EBF2: variants seen among roughly 807,000 people sequenced by gnomAD.
EBF2 encodes transcription factor COE2.
Under a neutral mutation model 72.8 loss-of-function variants are expected in EBF2, and 21 were observed. The observed-to-expected ratio is 0.29, with a 90% CI of 0.20 to 0.42. EBF2 has a LOEUF of 0.42. Ranked by LOEUF, EBF2 falls within the 10% of genes least tolerant of loss-of-function variation. The pLI, the probability that EBF2 is intolerant of heterozygous loss-of-function variation, is 1.00. For synonymous variants in EBF2, 299 were observed against 274.2 expected (o/e 1.09, Z -0.89); for missense variants, 637 against 731.2 (o/e 0.87, Z 1.49).
chr8:25,919,132 T>C (rs1245893965), intron 6 of EBF2, among the ~76,000 whole-genome samples: 1 of 152,188 alleles, frequency 6.6e-6, no homozygotes. Context: ...AAGAAAAGTA[T>C]GCATCTGTGC....
intron 6 of EBF2, among the ~76,000 whole-genome samples, chr8:25,933,597 G>T (rs910166519): frequency 6.6e-6 from 1 of 152,138 alleles, no homozygotes; most frequent in Non-Finnish European, 1.5e-5. Flanking sequence ...CAAAAAAAGA[G>T]TCATGGATAT....
At chr8:25,863,253 A>G (rs1190300835) in intron 10 of EBF2, among the ~76,000 whole-genome samples, 2 of 152,004 alleles carry the variant, frequency 1.3e-5, no homozygotes, top group East Asian at 3.8e-4. Context: ...ACCTTCTATG[A>G]GCTTATTCTC....
At position 25,844,412 on chromosome 8, in the gene EBF2, AG is replaced by A; in HGVS notation, c.*196del. ...TGACATCTTTTGTCCTTGTCCCAAG[AG>A]GGTCAGTTTGTGTAGCCACCATCAG... On this transcript the variant is annotated 3_prime_UTR_variant, in exon 16 of 16. Coordinates refer to ENST00000520164, the MANE Select transcript of EBF2 (RefSeq NM_022659.4). The A allele has an allele frequency of 1.7e-6, 1 of 576,198 alleles. No individual in the cohort carries two copies. The highest frequency in any genetic ancestry group is 3.1e-6 in the Non-Finnish European group (1 of 323,164). The allele number at this position is 576,198 out of a possible 1,614,324, so 35.7% of individuals were successfully genotyped here.
intron 7 of EBF2, among the ~76,000 whole-genome samples, chr8:25,892,977 T>G (rs1289767077): frequency 6.6e-6 from 1 of 152,196 alleles, no homozygotes; most frequent in Non-Finnish European, 1.5e-5. Context: ...AACATTAAGA[T>G]GGCGGCATCT....
chr8:26,039,941 AAGTT>A, intron 5 of EBF2, 83 bp downstream of exon 5: 2 of 1,452,396 alleles, frequency 1.4e-6, no homozygotes, highest in Admixed American at 1.7e-5. Flanking sequence ...TCAGTCCTGA[AAGTT>A]AGTCCCGGGA....
chr8:25,903,311 G>A lies in EBF2; in HGVS notation c.633+5163C>T, dbSNP rs533811751. ...TGCCTTCCTAAGAGCTGGGATTACA[G>A]GCATGAGCCACTGTGCCTAGCACCC... is the stretch of plus-strand genomic sequence containing the variant. On this transcript the variant is annotated intron_variant, in intron 7 of 15. Coordinates refer to ENST00000520164, the MANE Select transcript of EBF2 (RefSeq NM_022659.4). Among the ~76,000 whole-genome samples the A allele has an allele frequency of 5.3e-5, 8 of 151,556 alleles. No individual in the cohort carries two copies. In the East Asian group the frequency reaches 1.6e-3, roughly 30 times the overall value.
chr8:26,044,644 C>A lies in EBF2; in HGVS notation c.131+85G>T, dbSNP rs998061399. The A allele has an allele frequency of 5.2e-6, 8 of 1,526,868 alleles. No homozygotes were observed. The highest frequency in any genetic ancestry group is 2.3e-5 in the East Asian group (1 of 43,356). 94.6% of individuals were successfully genotyped at this position (1,526,868 alleles called of 1,614,324 possible). On this transcript the variant is annotated intron_variant, in intron 1 of 15. Transcript: ENST00000520164. This position sits in a 1 kb window ranked among gnomAD's most constrained non-coding sequence, Gnocchi z 4.1. The stretch of plus-strand genomic sequence containing the variant: ...ATGGGGGGACAGGGAGAGAGAAAGG[C>A]ACGGGGTGCGCGGGGGGGGTGCACA...
chr8:26,021,415 T>C (rs936783394), intron 6 of EBF2, among the ~76,000 whole-genome samples: 6 of 152,158 alleles, frequency 3.9e-5, no homozygotes, highest in African/African-American at 1.4e-4. Flanking sequence ...AAAGGAGCCA[T>C]AGCATATGCT....
At chr8:25,930,619 C>T (rs752122091) in intron 6 of EBF2, among the ~76,000 whole-genome samples, 6 of 152,188 alleles carry the variant, frequency 3.9e-5, no homozygotes, top group Non-Finnish European at 5.9e-5. Context: ...AAAATCCACT[C>T]GGCTTGACAG....
At chr8:25,863,595 T>C (rs1802249642) in intron 10 of EBF2, among the ~76,000 whole-genome samples, 1 of 152,150 alleles carries the variant, frequency 6.6e-6, no homozygotes, top group African/African-American at 2.4e-5. Context: ...TTAAAATTAA[T>C]ACATGATTAA....
At chr8:25,983,054 G>A (rs186364367) in intron 6 of EBF2, among the ~76,000 whole-genome samples, 9 of 152,216 alleles carry the variant, frequency 5.9e-5, no homozygotes, top group African/African-American at 2.2e-4. Context: ...CTAACCTCCA[G>A]TGGAACCAGG....
intron 6 of EBF2, among the ~76,000 whole-genome samples, chr8:25,936,560 T>C (rs1803582153): frequency 6.6e-6 from 1 of 152,228 alleles, no homozygotes; most frequent in Non-Finnish European, 1.5e-5. Flanking sequence ...TCTAGAAATA[T>C]TGGATGAAGT....
At chr8:25,904,265 TA>T (rs1196825315) in intron 7 of EBF2, among the ~76,000 whole-genome samples, 1 of 148,262 alleles carries the variant, frequency 6.7e-6, no homozygotes, top group Non-Finnish European at 1.5e-5. Flanking sequence ...TAAAAAGGGT[TA>T]AAAGGGTTAA....
chr8:26,018,927 G>A (rs1805158110), intron 6 of EBF2, among the ~76,000 whole-genome samples: 2 of 96,494 alleles, frequency 2.1e-5, no homozygotes, highest in South Asian at 3.6e-4. Context: ...GGGATCCATG[G>A]CAATAAAAAA....
chr8:25,865,604 T>G (rs576267569), intron 10 of EBF2, among the ~76,000 whole-genome samples: 13 of 152,170 alleles, frequency 8.5e-5, no homozygotes, highest in African/African-American at 3.1e-4. Flanking sequence ...TTTTTCTTTT[T>G]TCTTTTGAGA....
At chr8:26,042,303 G>C in intron 1 of EBF2, 52 bp from the exon 2 acceptor site, 1 of 1,567,742 alleles carries the variant, frequency 6.4e-7, no homozygotes, top group Non-Finnish European at 8.7e-7. Context: ...GCACAAAAAG[G>C]CGATGTTACT....
At chr8:25,995,419 A>G (rs755767721) in intron 6 of EBF2, among the ~76,000 whole-genome samples, 42 of 152,242 alleles carry the variant, frequency 2.8e-4, no homozygotes, top group Non-Finnish European at 4.8e-4. Flanking sequence ...AAAACAATAA[A>G]AAATGGAAGA....
At chr8:25,924,631 A>G (rs1174824539) in intron 6 of EBF2, among the ~76,000 whole-genome samples, 1 of 152,238 alleles carries the variant, frequency 6.6e-6, no homozygotes, top group African/African-American at 2.4e-5. Context: ...AATCAATTTA[A>G]TATCAATAAT....
chr8:25,955,836 T>C lies in EBF2; in HGVS notation c.552-47281A>G, dbSNP rs766206979. ...TGTTTGGTGAATATAAGTTAATATTTTGGATGAGACTACCTTCTGTGTTTG... is the reference window on the plus strand; with the variant it reads ...TGTTTGGTGAATATAAGTTAATATTCTGGATGAGACTACCTTCTGTGTTTG... On this transcript the variant is annotated intron_variant, in intron 6 of 15. Coordinates refer to ENST00000520164, the MANE Select transcript of EBF2 (RefSeq NM_022659.4). Among the ~76,000 whole-genome samples, 4 of 152,106 alleles carry C rather than the reference T, an allele frequency of 2.6e-5. No homozygotes were observed. In the East Asian group the frequency reaches 7.7e-4, roughly 29 times the overall value.
Sources: gnomAD v4.1 joint callset for allele counts (sites outside exome capture counted in the v4.1 genomes callset) on GRCh38, gnomAD v4.1.1 for gene constraint, Gnocchi (gnomAD v3.1) non-coding constraint, MANE v1.5 for transcripts, NCBI Gene and HGNC (gene_info 2026-07-23, HGNC 2026-07-21) for gene names.